LMO1: variants seen among roughly 807,000 people sequenced by gnomAD.
The protein encoded by LMO1 is LIM domain only 1.
Under a neutral mutation model 18.0 loss-of-function variants are expected in LMO1, and 10 were observed. The observed-to-expected ratio is 0.55, with a 90% CI of 0.34 to 0.94. The LOEUF is 0.94. LMO1 is among the 40% of genes least tolerant of loss of function. LMO1 has a pLI of 0.02. For missense variants in LMO1, 183 were observed against 205.7 expected, an observed-to-expected ratio of 0.89 and a Z score of 0.68; for synonymous variants, 77 against 77.9, an observed-to-expected ratio of 0.99 and a Z score of 0.06.
intron 2 of LMO1, among the ~76,000 whole-genome samples, chr11:8,229,060 T>A (rs1436715172): frequency 6.6e-6 from 1 of 152,064 alleles, no homozygotes; most frequent in East Asian, 1.9e-4. Flanking sequence ...GGCTAATTTT[T>A]TTTTTTTTTA....
chr11:8,268,536 C>T, upstream of LMO1: 2 of 1,137,430 alleles, frequency 1.8e-6, no homozygotes, highest in Non-Finnish European at 2.2e-6. Flanking sequence ...GCGCTGCTCC[C>T]GCCGGCCCCG....
At chr11:8,231,286 A>G (rs1437519974) in intron 1 of LMO1, among the ~76,000 whole-genome samples, 2 of 152,180 alleles carry the variant, frequency 1.3e-5, no homozygotes, top group East Asian at 3.9e-4. Context: ...ACAGGCACCA[A>G]GTACAAAGGG....
At chr11:8,233,272 C>T (rs904562595) in intron 1 of LMO1, among the ~76,000 whole-genome samples, 4 of 152,132 alleles carry the variant, frequency 2.6e-5, no homozygotes, top group Non-Finnish European at 5.9e-5. Flanking sequence ...GTCTAGAGAC[C>T]TCCCACGAGA....
intron 1 of LMO1, among the ~76,000 whole-genome samples, chr11:8,262,710 G>C (rs779897068): frequency 1.3e-5 from 2 of 152,234 alleles, no homozygotes; most frequent in Admixed American, 6.5e-5. Flanking sequence ...CGCGCTCAGA[G>C]AGACAGGGAG....
intron 1 of LMO1, among the ~76,000 whole-genome samples, chr11:8,239,501 A>C (rs960561189): frequency 3.9e-5 from 6 of 152,220 alleles, no homozygotes; most frequent in African/African-American, 1.4e-4. Flanking sequence ...AGATGTCTGC[A>C]TCGCAGCTTT....
At position 8,263,798 on chromosome 11, in the gene LMO1, C is replaced by G. The variant is rs2134593211; in HGVS notation, c.-436G>C. 1.9e-6 allele frequency: 2 copies of G among 1,068,518 alleles called. No homozygotes were observed. The highest frequency in any genetic ancestry group is 4.5e-5 in the South Asian group (1 of 22,010). The allele number at this position is 1,068,518 out of a possible 1,614,324, so 66.2% of individuals were successfully genotyped here. On this transcript the variant is annotated 5_prime_UTR_variant, in exon 1 of 4. Transcript: ENST00000335790. ...AAAGTGTTTTCCCCTCGGATTTAAT[C>G]TGAATCTCAATCTAAAATTATATTC...
chr11:8,259,040 G>T (rs918604259), intron 1 of LMO1, among the ~76,000 whole-genome samples: 1 of 152,174 alleles, frequency 6.6e-6, no homozygotes, highest in South Asian at 2.1e-4. Flanking sequence ...AATGCCAATT[G>T]CATCACCTTG....
chr11:8,258,487 C>T (rs1847134533), intron 1 of LMO1, among the ~76,000 whole-genome samples: 1 of 152,258 alleles, frequency 6.6e-6, no homozygotes, highest in South Asian at 2.1e-4. Flanking sequence ...TGGGCCATGG[C>T]TGAACCTCGT....
intron 1 of LMO1, among the ~76,000 whole-genome samples, chr11:8,236,637 A>G (rs7121476): frequency 0.39 from 58,942 of 151,730 alleles, 11,579 homozygotes; most frequent in East Asian, 0.55. Flanking sequence ...GCATGCAGAC[A>G]CTCGCCACAC....
In LMO1 at chr11:8,230,497, C is replaced by T. The variant is rs749060605; in HGVS notation, c.33G>A (p.Pro11=). Residue 11 remains proline, a synonymous_variant, in exon 2 of 4, where the codon CCG becomes CCA. Coordinates refer to ENST00000335790, the MANE Select transcript of LMO1 (RefSeq NM_002315.3). ...TCCCTTTGGGCTGGACGGAGAGCATCGGCACGCCTGCAGACGGACAGACAG... is the reference window on the plus strand; with the variant it reads ...TCCCTTTGGGCTGGACGGAGAGCATTGGCACGCCTGCAGACGGACAGACAG... The part of the protein sequence containing the change: MMVLDKEDGV[P]MLSVQPKGKQ... The T allele has an allele frequency of 1.4e-5, 22 of 1,611,780 alleles. No individual in the cohort carries two copies. Among genetic ancestry groups the T allele is most frequent in the African/African-American group, 8.0e-5 (6 of 74,918 alleles).
chr11:8,241,750 T>A (rs887205910), intron 1 of LMO1, among the ~76,000 whole-genome samples: 3 of 150,486 alleles, frequency 2.0e-5, no homozygotes, highest in Non-Finnish European at 2.9e-5. Context: ...GAGTTTTTCA[T>A]CACAATTTGT....
intron 1 of LMO1, among the ~76,000 whole-genome samples, chr11:8,256,647 T>C (rs532518688): frequency 5.9e-5 from 9 of 152,294 alleles, no homozygotes; most frequent in African/African-American, 1.7e-4. Flanking sequence ...CTCCCACCAG[T>C]AGCGAACAAG....
intron 1 of LMO1, among the ~76,000 whole-genome samples, chr11:8,243,858 C>A (rs1035462201): frequency 1.3e-5 from 2 of 152,236 alleles, no homozygotes; most frequent in South Asian, 4.1e-4. Context: ...TGCAGCCCCC[C>A]ACTCCTGCCT....
chr11:8,238,479 G>A (rs1410229086), intron 1 of LMO1, among the ~76,000 whole-genome samples: 1 of 152,222 alleles, frequency 6.6e-6, no homozygotes, highest in Admixed American at 6.5e-5. Flanking sequence ...AGCCCATCCT[G>A]GCTAACACGG....
chr11:8,224,805 T>G, intron 3 of LMO1, 84 bp from the exon 4 acceptor site: 2 of 852,584 alleles, frequency 2.3e-6, no homozygotes, highest in Non-Finnish European at 3.8e-6. Flanking sequence ...CGGCCTGGCC[T>G]ATGAGGTGAG....
chr11:8,251,969 G>A (rs1299872275), intron 1 of LMO1, among the ~76,000 whole-genome samples: 1 of 119,450 alleles, frequency 8.4e-6, no homozygotes, highest in East Asian at 2.3e-4. Context: ...TTTGTGTGTG[G>A]GGGTGTGCGT....
At chr11:8,263,993 G>T, upstream of LMO1, 1 of 422,614 alleles carries the variant, frequency 2.4e-6, no homozygotes, top group South Asian at 1.0e-4. Flanking sequence ...CCACCTGGAG[G>T]CTTCTAGGTC....
chr11:8,268,237 C>G (rs749907018), upstream of LMO1, among the ~76,000 whole-genome samples: 2 of 152,166 alleles, frequency 1.3e-5, no homozygotes, highest in Non-Finnish European at 2.9e-5. Flanking sequence ...AGCCTGGCAC[C>G]GCCGACCCCG....
At chr11:8,235,672 G>A (rs1432441202) in intron 1 of LMO1, among the ~76,000 whole-genome samples, 1 of 152,178 alleles carries the variant, frequency 6.6e-6, no homozygotes, top group Non-Finnish European at 1.5e-5. Flanking sequence ...TGGCATTTTT[G>A]AAGAGTACAG....
Sources: allele counts gnomAD v4.1 joint callset (sites outside exome capture counted in the v4.1 genomes callset), GRCh38; gene constraint gnomAD v4.1.1; transcripts MANE v1.5; gene names NCBI Gene and HGNC (gene_info 2026-07-23, HGNC 2026-07-21).